Variants in TMC1 observed in about 807,000 individuals in gnomAD.
TMC1 encodes the protein transmembrane channel-like protein 1.
In TMC1, 84 loss-of-function variants were observed where a neutral mutation model predicts 105.8. The observed-to-expected ratio is 0.79, with a 90% CI of 0.67 to 0.95. The LOEUF (loss-of-function observed/expected upper bound fraction) is 0.95. TMC1 is among the 40% of genes least tolerant of loss of function. The pLI, the probability that TMC1 is intolerant of heterozygous loss-of-function variation, is 0.00. For missense variants in TMC1, 817 were observed against 914.1 expected, an observed-to-expected ratio of 0.89 and a Z score of 1.37; for synonymous variants, 315 against 311.5, an observed-to-expected ratio of 1.01 and a Z score of -0.12.
intron 1 of TMC1, among the ~76,000 whole-genome samples, chr9:72,549,137 T>A (rs1350349661): frequency 6.6e-6 from 1 of 152,252 alleles, no homozygotes; most frequent in African/African-American, 2.4e-5. Context: ...CTTCTGGGTT[T>A]TATTATTTAC....
chr9:72,754,652 G>C (rs1372825741), intron 11 of TMC1, 134 bp from the exon 12 acceptor site: 1 of 713,834 alleles, frequency 1.4e-6, no homozygotes, highest in Non-Finnish European at 2.5e-6. Context: ...CAGAAAATGG[G>C]ACCCCACATG....
At chr9:72,739,083 A>G (rs1383372588) in intron 8 of TMC1, among the ~76,000 whole-genome samples, 1 of 152,230 alleles carries the variant, frequency 6.6e-6, no homozygotes, top group Admixed American at 6.5e-5. Context: ...GGTGGCTTAA[A>G]CAACAGCCAT....
chr9:72,650,610 C>G (rs1825787444), intron 5 of TMC1, among the ~76,000 whole-genome samples: 1 of 151,718 alleles, frequency 6.6e-6, no homozygotes, highest in South Asian at 2.1e-4. Flanking sequence ...TACCTATGTC[C>G]AGAACCCAAT....
rs565286835 is a variant in TMC1, at chr9:72,618,718, TATC to T, written c.-196+2244_-196+2246del. The stretch of plus-strand genomic sequence containing the variant: ...ATGTTAATGTAATCATGTTTATGCT[TATC>T]ATAACATATGGATGCACAGCTATTA... On this transcript the variant is annotated intron_variant, in intron 3 of 23. Transcript: ENST00000297784. Among the ~76,000 whole-genome samples, 426 of 152,288 alleles carry T rather than the reference TATC, an allele frequency of 2.8e-3. 1 individual carries two copies. The highest frequency in any genetic ancestry group is 9.9e-3 in the African/African-American group (413 of 41,558).
At chr9:72,688,829 T>C in intron 6 of TMC1, 73 bp downstream of exon 6, 1 of 1,286,632 alleles carries the variant, frequency 7.8e-7, no homozygotes, top group Non-Finnish European at 1.1e-6. Context: ...TATCCTCTTG[T>C]GGACTTGAGC....
chr9:72,794,917 G>A (rs936455469), intron 17 of TMC1, among the ~76,000 whole-genome samples: 3 of 152,160 alleles, frequency 2.0e-5, no homozygotes, highest in Admixed American at 6.6e-5. Flanking sequence ...CAAAGTAGCT[G>A]TTATAAAAAA....
intron 13 of TMC1, among the ~76,000 whole-genome samples, chr9:72,787,261 C>G (rs762044754): frequency 1.3e-5 from 2 of 152,142 alleles, no homozygotes; most frequent in Non-Finnish European, 2.9e-5. Flanking sequence ...ACACAATCAC[C>G]ATTTGCAAAG....
intron 19 of TMC1, chr9:72,817,086 T>G (rs1828799975): frequency 6.6e-6 from 1 of 152,090 alleles, no homozygotes; most frequent in South Asian, 2.1e-4. Context: ...TACCAATAGA[T>G]CTGTCCTGAA....
intron 8 of TMC1, among the ~76,000 whole-genome samples, chr9:72,722,183 T>C (rs1009166057): frequency 1.3e-5 from 2 of 152,120 alleles, no homozygotes; most frequent in African/African-American, 4.8e-5. Context: ...GATGAGAAAA[T>C]TGAGATTGAT....
intron 5 of TMC1, among the ~76,000 whole-genome samples, chr9:72,653,433 GAC>G (rs1825842763): frequency 6.6e-6 from 1 of 152,086 alleles, no homozygotes; most frequent in African/African-American, 2.4e-5. Flanking sequence ...CAGGTGAATA[GAC>G]ACACAAAAAA....
At chr9:72,648,458 G>T in intron 4 of TMC1, 139 bp from the exon 5 acceptor site, 1 of 645,780 alleles carries the variant, frequency 1.5e-6, no homozygotes, top group Non-Finnish European at 2.8e-6. Flanking sequence ...AAACATTCGT[G>T]AAAATTTAAT....
At chr9:72,636,843 AATTTTGGAACTTAGAGGCTGATGCT>A (rs1472322534) in intron 4 of TMC1, among the ~76,000 whole-genome samples, 1 of 152,122 alleles carries the variant, frequency 6.6e-6, no homozygotes, top group Non-Finnish European at 1.5e-5. Context: ...GTCTGGAGAC[AATTTTGGAACTTAGAGGCTGATGCT>A]ATTTTGGAAC....
At chr9:72,594,869 C>CTTCT (rs1554714191) in intron 2 of TMC1, among the ~76,000 whole-genome samples, 156 of 143,812 alleles carry the variant, frequency 1.1e-3, no homozygotes, top group Admixed American at 2.8e-3. Flanking sequence ...TCTTCTTCTT[C>CTTCT]TTTTTTTTTT....
At chr9:72,660,778 C>A (rs1588017805) in intron 5 of TMC1, among the ~76,000 whole-genome samples, 1 of 152,122 alleles carries the variant, frequency 6.6e-6, no homozygotes, top group Non-Finnish European at 1.5e-5. Context: ...CTGTGGCTTC[C>A]CCGTATTACA....
intron 1 of TMC1, among the ~76,000 whole-genome samples, chr9:72,568,796 AGT>A (rs1824214886): frequency 6.6e-6 from 1 of 152,232 alleles, no homozygotes; most frequent in Non-Finnish European, 1.5e-5. Flanking sequence ...CTGAAATAAA[AGT>A]GTAGATCTTC....
intron 1 of TMC1, among the ~76,000 whole-genome samples, chr9:72,523,833 A>T (rs961161613): frequency 8.0e-5 from 12 of 150,094 alleles, no homozygotes; most frequent in Admixed American, 2.0e-4. Context: ...AACAGAGAAT[A>T]AAAAAAAAAT....
intron 17 of TMC1, among the ~76,000 whole-genome samples, chr9:72,795,695 A>G (rs930650765): frequency 2.6e-5 from 4 of 152,186 alleles, no homozygotes; most frequent in African/African-American, 9.6e-5. Flanking sequence ...ACAAAAGCAT[A>G]CTTAAATACA....
chr9:72,624,649 A>G (rs1825314989), intron 3 of TMC1, among the ~76,000 whole-genome samples: 1 of 152,214 alleles, frequency 6.6e-6, no homozygotes, highest in African/African-American at 2.4e-5. Context: ...GCTAGAGGCA[A>G]TAAATCACAC....
chr9:72,711,146 T>C (rs1308449268), intron 8 of TMC1, among the ~76,000 whole-genome samples: 1 of 152,244 alleles, frequency 6.6e-6, no homozygotes, highest in Non-Finnish European at 1.5e-5. Flanking sequence ...ATGTGCCACA[T>C]TTTCTTTATC....
Sources: gnomAD v4.1 joint callset for allele counts (sites outside exome capture counted in the v4.1 genomes callset) on GRCh38, gnomAD v4.1.1 for gene constraint, MANE v1.5 for transcripts, NCBI Gene and HGNC (gene_info 2026-07-23, HGNC 2026-07-21) for gene names.